The following ALDH2 variants were observed in gnomAD, a reference collection of about 807,000 sequenced individuals.
ALDH2 encodes aldehyde dehydrogenase 2 family member, also known as aldehyde dehydrogenase, mitochondrial.
ALDH2 carries 44 observed loss-of-function variants against 59.6 expected under a neutral mutation model. That is an observed-to-expected ratio of 0.74 (90% CI 0.58 to 0.95). The LOEUF is 0.95. Among genes scored for constraint, ALDH2 ranks in the 40% least tolerant of loss-of-function variants. The probability of loss-of-function intolerance (pLI) is 0.00; values close to 1 mark genes in which losing one functional copy is unlikely to be tolerated. For synonymous variants in ALDH2, 291 were observed against 284.0 expected (o/e 1.02, Z -0.25); for missense variants, 570 against 696.3 (o/e 0.82, Z 2.04).
chr12:111,767,117 C>T, intron 1 of ALDH2, 21 bp downstream of exon 1: 5 of 1,462,304 alleles, frequency 3.4e-6, no homozygotes, highest in South Asian at 2.7e-5. Flanking sequence ...CGGCCGGGCT[C>T]GCGCTTTGTT....
At chr12:111,785,476 C>A in intron 4 of ALDH2, 130 bp downstream of exon 4, 1 of 773,374 alleles carries the variant, frequency 1.3e-6, no homozygotes, top group Non-Finnish European at 2.2e-6. Flanking sequence ...ATAATCCCAG[C>A]ACTTTGGGAG....
intron 9 of ALDH2, among the ~76,000 whole-genome samples, chr12:111,796,987 G>A (rs1174943368): frequency 1.4e-5 from 2 of 145,812 alleles, no homozygotes; most frequent in African/African-American, 2.6e-5. Context: ...TTTTTGAGAC[G>A]AAGTCTCTGT....
At position 111,816,348 on chromosome 12, in the gene ALDH2, G is replaced by C. The variant is rs546996025; in HGVS notation, c.*6773G>C. 2.0e-5 allele frequency: 3 copies of C among 152,148 alleles called. No individual in the cohort carries two copies. The highest frequency in any genetic ancestry group is 2.9e-5 in the Non-Finnish European group (2 of 68,066). The allele number at this position is 152,148 out of a possible 1,614,324, so 9.4% of individuals were successfully genotyped here. A position where few individuals can be genotyped will look rare whatever the true frequency, so the allele number is the denominator to read the frequency against. On this transcript the variant is annotated 3_prime_UTR_variant, in exon 13 of 13. Coordinates refer to ENST00000261733, the MANE Select transcript of ALDH2 (RefSeq NM_000690.4). ...ATAGGGAGAAGGGGGGGTGGTTGTC[G>C]GTCAGCAGCTTGATTCACAGCAGGC...
intron 1 of ALDH2, among the ~76,000 whole-genome samples, chr12:111,780,165 T>A (rs2136011977): frequency 6.6e-6 from 1 of 152,276 alleles, no homozygotes; most frequent in African/African-American, 2.4e-5. Flanking sequence ...AGTGCTGGGA[T>A]TACAGGCATG....
At chr12:111,786,795 C>T (rs571161985) in intron 4 of ALDH2, among the ~76,000 whole-genome samples, 102 of 152,208 alleles carry the variant, frequency 6.7e-4, no homozygotes, top group Non-Finnish European at 1.0e-3. Flanking sequence ...GATCCTCCCA[C>T]CTCGGCCTCC....
At chr12:111,778,691 G>A (rs548467141) in intron 1 of ALDH2, among the ~76,000 whole-genome samples, 11 of 151,928 alleles carry the variant, frequency 7.2e-5, no homozygotes, top group South Asian at 2.1e-4. Flanking sequence ...AAAATTAGCC[G>A]GGCATGGTGG....
rs2068276655 is a variant in ALDH2, at chr12:111,781,998, C to T, written c.195C>T (p.Ile65=). 1.2e-6 allele frequency: 2 copies of T among 1,613,802 alleles called. No individual in the cohort carries two copies. The highest frequency in any genetic ancestry group is 1.7e-6 in the Non-Finnish European group (2 of 1,179,868). ...TCAATCCGTCCACTGGAGAGGTCATCTGTCAGGTAGCTGAAGGGGACAAGG... is the reference window on the plus strand; with the variant it reads ...TCAATCCGTCCACTGGAGAGGTCATTTGTCAGGTAGCTGAAGGGGACAAGG... The part of the protein sequence containing the change: ...PTVNPSTGEV[I]CQVAEGDKED... Residue 65 remains isoleucine, a synonymous_variant, in exon 2 of 13, where the codon ATC becomes ATT. Transcript: ENST00000261733.
intron 1 of ALDH2, among the ~76,000 whole-genome samples, chr12:111,773,825 T>C (rs1365571329): frequency 1.3e-5 from 2 of 152,230 alleles, no homozygotes; most frequent in East Asian, 1.9e-4. Context: ...CACCTTAGCA[T>C]AGGATCACTG....
At chr12:111,803,680 G>A (rs1428546505) in intron 11 of ALDH2, among the ~76,000 whole-genome samples, 179 bp from the exon 12 acceptor site, 6 of 151,156 alleles carry the variant, frequency 4.0e-5, no homozygotes, top group Admixed American at 3.3e-4. Context: ...AGGTTGCAAC[G>A]AGCCAAGATC....
chr12:111,783,291 A>G lies in ALDH2; in HGVS notation c.353A>G (p.Tyr118Cys), dbSNP rs983677742. The G allele has an allele frequency of 6.2e-7, 1 of 1,605,474 alleles. No individual in the cohort carries two copies. Among genetic ancestry groups the G allele is most frequent in the Non-Finnish European group, 8.5e-7 (1 of 1,174,370 alleles). ...LADLIERDRT[Y>C]LAALETLDNG... ...GATCTGATCGAGCGGGACCGGACCTACCTGGCGGTGAGTCCTCAGCCCTTC... is the reference window on the plus strand; with the variant it reads ...GATCTGATCGAGCGGGACCGGACCTGCCTGGCGGTGAGTCCTCAGCCCTTC... Residue 118 changes from tyrosine to cysteine, a missense_variant, in exon 3 of 13, where the codon TAC becomes TGC. Tyr to Cys is a radical substitution (Grantham distance 194). Transcript: ENST00000261733.
intron 11 of ALDH2, among the ~76,000 whole-genome samples, chr12:111,801,485 G>A (rs2068451165): frequency 6.6e-6 from 1 of 151,808 alleles, no homozygotes; most frequent in African/African-American, 2.4e-5. Flanking sequence ...GGTCACTTGA[G>A]GTCAAGAGTT....
At position 111,816,334 on chromosome 12, in the gene ALDH2, G is replaced by A. The variant is rs1032562249; in HGVS notation, c.*6759G>A. 6.6e-6 allele frequency: 1 copy of A among 152,214 alleles called. No homozygotes were observed. Among genetic ancestry groups the A allele is most frequent in the Non-Finnish European group, 1.5e-5 (1 of 68,062 alleles). The allele number at this position is 152,214 out of a possible 1,614,324, so 9.4% of individuals were successfully genotyped here. A position where few individuals can be genotyped will look rare whatever the true frequency, so the allele number is the denominator to read the frequency against. On this transcript the variant is annotated 3_prime_UTR_variant, in exon 13 of 13. Coordinates refer to ENST00000261733, the MANE Select transcript of ALDH2 (RefSeq NM_000690.4). ...ATTGGGTAAAGGAGATAGGGAGAAG[G>A]GGGGGTGGTTGTCGGTCAGCAGCTT...
At chr12:111,793,849 G>A (rs1012290017) in intron 9 of ALDH2, among the ~76,000 whole-genome samples, 1 of 151,522 alleles carries the variant, frequency 6.6e-6, no homozygotes, top group Non-Finnish European at 1.5e-5. Flanking sequence ...ACCCAGCCTC[G>A]GGGTCATTTT....
At chr12:111,784,967 G>T (rs752335420) in intron 3 of ALDH2, among the ~76,000 whole-genome samples, 1 of 152,132 alleles carries the variant, frequency 6.6e-6, no homozygotes, top group Non-Finnish European at 1.5e-5. Flanking sequence ...TAAGCTCCAC[G>T]CTGGTCTCTA....
intron 1 of ALDH2, among the ~76,000 whole-genome samples, chr12:111,778,412 G>A (rs970580336): frequency 6.6e-6 from 1 of 151,938 alleles, no homozygotes; most frequent in Non-Finnish European, 1.5e-5. Flanking sequence ...GGGCATGGTG[G>A]CAGGCATCTG....
chr12:111,775,250 T>C (rs1041578598), intron 1 of ALDH2, among the ~76,000 whole-genome samples: 2 of 152,106 alleles, frequency 1.3e-5, no homozygotes, highest in African/African-American at 4.8e-5. Flanking sequence ...ACACAGCAGG[T>C]AGAATCGCGA....
At chr12:111,803,348 A>G (rs1483399719) in intron 11 of ALDH2, among the ~76,000 whole-genome samples, 1 of 151,926 alleles carries the variant, frequency 6.6e-6, no homozygotes. Context: ...CAGTAATCCC[A>G]GTGCTTTGGG....
Position 111,813,261 on chromosome 12 carries a change from G to A in ALDH2, c.*3686G>A, listed in dbSNP as rs2068547789. 1.3e-5 allele frequency: 2 copies of A among 152,190 alleles called. No individual in the cohort carries two copies. The highest frequency in any genetic ancestry group is 4.8e-5 in the African/African-American group (2 of 41,438). 9.4% of individuals were successfully genotyped at this position (152,190 alleles called of 1,614,324 possible). On this transcript the variant is annotated 3_prime_UTR_variant, in exon 13 of 13. Transcript: ENST00000261733. ...AGCCTCCACTTGTGGCTGCACAGAG[G>A]GCACAGAGAGCTTTTCCTTCAGCCC...
In ALDH2 at chr12:111,767,646, C is replaced by T. The variant is rs544812001; in HGVS notation, c.114+550C>T. The stretch of plus-strand genomic sequence containing the variant: ...GGGAATCCTGGAGGACCTTCGGCCC[C>T]AGGGGGCCGACCCCAAGGGGTGTCT... On this transcript the variant is annotated intron_variant, in intron 1 of 12. Coordinates refer to ENST00000261733, the MANE Select transcript of ALDH2 (RefSeq NM_000690.4). Among the ~76,000 whole-genome samples the T allele has an allele frequency of 3.3e-5, 5 of 152,328 alleles. No homozygotes were observed. The South Asian group carries it at 1.0e-3, about 32-fold the overall frequency.
Sources: allele counts gnomAD v4.1 joint callset (sites outside exome capture counted in the v4.1 genomes callset), GRCh38; gene constraint gnomAD v4.1.1; transcripts MANE v1.5; gene names NCBI Gene and HGNC (gene_info 2026-07-23, HGNC 2026-07-21).